Variants in HEATR5A observed in about 807,000 individuals in gnomAD.
HEATR5A encodes the protein HEAT repeat-containing protein 5A.
Under a neutral mutation model 218.8 loss-of-function variants are expected in HEATR5A, and 178 were observed. That is an observed-to-expected ratio of 0.81 (90% CI 0.72 to 0.92). HEATR5A has a LOEUF of 0.92. HEATR5A is among the 40% of genes least tolerant of loss of function. The pLI, the probability that HEATR5A is intolerant of heterozygous loss-of-function variation, is 0.00. For synonymous variants in HEATR5A, 864 were observed against 871.6 expected (o/e 0.99, Z 0.15); for missense variants, 2,420 against 2,418.9 (o/e 1.00, Z -0.01).
intron 16 of HEATR5A, 55 bp downstream of exon 16, chr14:31,358,582 C>A: frequency 1.9e-5 from 28 of 1,448,544 alleles, no homozygotes; most frequent in Non-Finnish European, 2.6e-5. Flanking sequence ...TGGCAACATT[C>A]TTCTTACCCA....
intron 16 of HEATR5A, among the ~76,000 whole-genome samples, chr14:31,354,824 GTA>G (rs1388098095): frequency 6.6e-6 from 1 of 152,100 alleles, no homozygotes; most frequent in Non-Finnish European, 1.5e-5. Context: ...TTTTTAGAGG[GTA>G]TATAATGGCA....
At chr14:31,296,256 G>A (rs1899185157) in intron 33 of HEATR5A, 193 bp from the exon 34 acceptor site, 4 of 466,146 alleles carry the variant, frequency 8.6e-6, no homozygotes, top group Non-Finnish European at 1.5e-5. Flanking sequence ...AACTACCAAA[G>A]TAATTATAAT....
rs111335255 is a variant in HEATR5A at position 31,399,259 on chromosome 14, A to G, written c.339-478T>C. 9.8e-3 allele frequency among the ~76,000 whole-genome samples: 1,488 copies of G among 152,324 alleles called. 23 individuals are homozygous for G. The highest frequency in any genetic ancestry group is 0.034 in the African/African-American group (1,408 of 41,572). Reference sequence around the variant, plus strand: ...CTGTGGTTAAATCCTAAGGCACGACACTTAGGTGAATATGATTATACTTTC... The same window carrying G: ...CTGTGGTTAAATCCTAAGGCACGACGCTTAGGTGAATATGATTATACTTTC... On this transcript the variant is annotated intron_variant, in intron 3 of 35. Coordinates refer to ENST00000543095, the MANE Select transcript of HEATR5A (RefSeq NM_015473.4).
chr14:31,318,149 AC>A, intron 26 of HEATR5A, 74 bp downstream of exon 26: 1 of 1,259,348 alleles, frequency 7.9e-7, no homozygotes, highest in South Asian at 1.2e-5. Flanking sequence ...TAAAGAAAAA[AC>A]ATTGGTAAAA....
chr14:31,294,306 T>C (rs1899106914), intron 34 of HEATR5A, among the ~76,000 whole-genome samples: 1 of 152,138 alleles, frequency 6.6e-6, no homozygotes, highest in African/African-American at 2.4e-5. Flanking sequence ...AAGAGGCATA[T>C]AGGTAAACAG....
Position 31,398,800 on chromosome 14 carries a change from T to A in HEATR5A, c.339-19A>T. 1 of 1,348,440 alleles carries A rather than the reference T, an allele frequency of 7.4e-7. No individual in the cohort carries two copies. Among genetic ancestry groups the A allele is most frequent in the Non-Finnish European group, 1.0e-6 (1 of 978,004 alleles). The allele number at this position is 1,348,440 out of a possible 1,614,324, so 83.5% of individuals were successfully genotyped here. A position where few individuals can be genotyped will look rare whatever the true frequency, so the allele number is the denominator to read the frequency against. ...AGCAGCACTGAAACAACATTTAAAT[T>A]AGAAATTAGTCACAGCTGAAAAAAT... On this transcript the variant is annotated intron_variant, in intron 3 of 35. Transcript: ENST00000543095.
intron 1 of HEATR5A, among the ~76,000 whole-genome samples, chr14:31,419,971 C>T (rs2031589027): frequency 6.6e-6 from 1 of 152,242 alleles, no homozygotes; most frequent in South Asian, 2.1e-4. Flanking sequence ...AACGAACGGG[C>T]CTCTGAGGAA....
rs1373175874 is a variant in HEATR5A at position 31,359,279 on chromosome 14, AGTGTAAGAGTGTGT to A, written c.2072-236_2072-223del. ...AATGGATACTAAAAGAACATCTCAA[AGTGTAAGAGTGTGT>A]GTGTGTGTGTGTGTGTGTGTGTGTG... On this transcript the variant is annotated intron_variant, in intron 14 of 35. Transcript: ENST00000543095. 4.7e-3 allele frequency among the ~76,000 whole-genome samples: 478 copies of A among 102,544 alleles called. 2 individuals are homozygous for A. Among genetic ancestry groups the A allele is most frequent in the Middle Eastern group, 0.019 (4 of 216 alleles). 67.3% of individuals were successfully genotyped at this position (102,544 alleles called of 152,430 possible).
intron 11 of HEATR5A, among the ~76,000 whole-genome samples, chr14:31,378,805 A>C (rs74243251): frequency 0.1 from 15,043 of 149,502 alleles, 1,269 homozygotes; most frequent in East Asian, 0.21. Flanking sequence ...AACAAACAAA[A>C]AAAAAAAACA....
intron 23 of HEATR5A, among the ~76,000 whole-genome samples, chr14:31,324,738 C>T (rs991575670): frequency 6.7e-6 from 1 of 148,630 alleles, no homozygotes; most frequent in African/African-American, 2.5e-5. Flanking sequence ...TCATGGCTCA[C>T]TGCAGCCTCG....
intron 1 of HEATR5A, among the ~76,000 whole-genome samples, chr14:31,418,810 A>T (rs1434370197): frequency 6.6e-6 from 1 of 152,232 alleles, no homozygotes; most frequent in Non-Finnish European, 1.5e-5. Context: ...TTTAGAATTT[A>T]AAAAATTCAG....
At position 31,349,906 on chromosome 14, in the gene HEATR5A, G is replaced by C; in HGVS notation, c.2591C>G (p.Ala864Gly). The C allele has an allele frequency of 6.2e-7, 1 of 1,611,548 alleles. No homozygotes were observed. The highest frequency in any genetic ancestry group is 8.5e-7 in the Non-Finnish European group (1 of 1,178,624). Residue 864 changes from alanine (A) to glycine (G), a missense_variant, in exon 18 of 36, where the codon GCC (alanine) becomes GGC (glycine). By Grantham distance (60) the Ala-to-Gly change is moderately conservative. Coordinates refer to ENST00000543095, the MANE Select transcript of HEATR5A (RefSeq NM_015473.4). Reference protein sequence around the residue: ...KRFALTLVMGALESPNPLLRC... With the variant: ...KRFALTLVMGGLESPNPLLRC... ...CAGCAAGGGGTTGGGGCTTTCTAGG[G>C]CTCCCATAACTAATGTTAAGGCAAA... is the stretch of plus-strand genomic sequence containing the variant.
At chr14:31,349,490 T>C (rs1901139999) in intron 18 of HEATR5A, among the ~76,000 whole-genome samples, 1 of 152,252 alleles carries the variant, frequency 6.6e-6, no homozygotes, top group African/African-American at 2.4e-5. Flanking sequence ...TGTTTTACAT[T>C]ATAAAACTGT....
At chr14:31,409,451 G>A (rs1462671587) in intron 1 of HEATR5A, among the ~76,000 whole-genome samples, 6 of 152,152 alleles carry the variant, frequency 3.9e-5, no homozygotes, top group Admixed American at 3.3e-4. Context: ...TGTAATCCCA[G>A]CACTTTGGGA....
chr14:31,318,172 G>A, intron 26 of HEATR5A, 52 bp downstream of exon 26: 1 of 1,443,572 alleles, frequency 6.9e-7, no homozygotes, highest in Non-Finnish European at 9.8e-7. Context: ...AATACTAACT[G>A]GAGGACTGCT....
intron 6 of HEATR5A, among the ~76,000 whole-genome samples, chr14:31,390,598 AC>A (rs1328829874): frequency 6.6e-6 from 1 of 152,338 alleles, no homozygotes; most frequent in African/African-American, 2.4e-5. Context: ...TTCTTCAATG[AC>A]AGAGATCACA....
intron 11 of HEATR5A, among the ~76,000 whole-genome samples, chr14:31,375,199 C>CA (rs1902181467): frequency 6.6e-6 from 1 of 152,144 alleles, no homozygotes; most frequent in African/African-American, 2.4e-5. Flanking sequence ...GCTCTAGTAT[C>CA]AGCTCCTCCA....
Position 31,400,517 on chromosome 14 carries a change from A to T in HEATR5A, c.127-5T>A. On this transcript the variant is annotated splice_polypyrimidine_tract_variant and splice_region_variant and intron_variant, in intron 2 of 35. Transcript: ENST00000543095. ...CTGTTTCTCCCTTACATCATTCTAG[A>T]AAGAAAGATAACACAAAGACAATTC... 1 of 1,506,528 alleles carries T rather than the reference A, an allele frequency of 6.6e-7. No homozygotes were observed. Among genetic ancestry groups the T allele is most frequent in the East Asian group, 2.5e-5 (1 of 40,666 alleles). 93.3% of individuals were successfully genotyped at this position (1,506,528 alleles called of 1,614,324 possible). A position where few individuals can be genotyped will look rare whatever the true frequency, so the allele number is the denominator to read the frequency against.
chr14:31,320,239 G>C, intron 25 of HEATR5A: 1 of 678,108 alleles, frequency 1.5e-6, no homozygotes, highest in African/African-American at 1.8e-5. Flanking sequence ...TGGCGAACAG[G>C]ATGAAGAAGG....
Sources: gnomAD v4.1 joint callset for allele counts (sites outside exome capture counted in the v4.1 genomes callset) on GRCh38, gnomAD v4.1.1 for gene constraint, MANE v1.5 for transcripts, NCBI Gene and HGNC (gene_info 2026-07-23, HGNC 2026-07-21) for gene names.